The following NRG3 variants were observed in gnomAD, a reference collection of about 807,000 sequenced individuals.
The protein encoded by NRG3 is neuregulin 3, also known as pro-neuregulin-3, membrane-bound isoform.
NRG3 carries 31 observed loss-of-function variants against 66.9 expected under a neutral mutation model. The observed-to-expected ratio is 0.46, with a 90% CI of 0.35 to 0.63. The LOEUF (loss-of-function observed/expected upper bound fraction) is 0.63, where lower values mean the gene tolerates loss of function less well. Ranked by LOEUF, NRG3 falls within the 20% of genes least tolerant of loss-of-function variation. The probability of loss-of-function intolerance (pLI) is 0.00; values close to 1 mark genes in which losing one functional copy is unlikely to be tolerated. For missense variants in NRG3, 910 were observed against 878.9 expected (o/e 1.04, Z -0.45); for synonymous variants, 393 against 359.4 (o/e 1.09, Z -1.06).
At chr10:82,573,396 A>G (rs1458753461) in intron 2 of NRG3, among the ~76,000 whole-genome samples, 3 of 151,818 alleles carry the variant, frequency 2.0e-5, no homozygotes, top group Non-Finnish European at 2.9e-5. Context: ...CCTTTTTCTT[A>G]TATCAAATTT....
chr10:82,573,162 A>G (rs575128582), intron 2 of NRG3, among the ~76,000 whole-genome samples: 1 of 151,906 alleles, frequency 6.6e-6, no homozygotes, highest in Admixed American at 6.6e-5. Context: ...TGAAAAGTCA[A>G]ATTGTGTGTG....
intron 2 of NRG3, among the ~76,000 whole-genome samples, chr10:82,490,759 G>T (rs1590326197): frequency 6.6e-6 from 1 of 152,110 alleles, no homozygotes; most frequent in East Asian, 1.9e-4. Context: ...TGCTTCACCA[G>T]CTGCCTCTCT....
At chr10:82,481,704 G>T (rs1235637195) in intron 2 of NRG3, among the ~76,000 whole-genome samples, 5 of 152,058 alleles carry the variant, frequency 3.3e-5, no homozygotes, top group Non-Finnish European at 7.4e-5. Context: ...ACAATTCTAG[G>T]CCGGGCACGA....
At chr10:82,346,298 C>A (rs1015203791) in intron 1 of NRG3, among the ~76,000 whole-genome samples, 1 of 149,634 alleles carries the variant, frequency 6.7e-6, no homozygotes, top group Non-Finnish European at 1.5e-5. Flanking sequence ...TTGTCAAAGG[C>A]TTTTTCTGCA....
At chr10:82,502,637 T>C (rs888247973) in intron 2 of NRG3, among the ~76,000 whole-genome samples, 1 of 152,220 alleles carries the variant, frequency 6.6e-6, no homozygotes, top group Non-Finnish European at 1.5e-5. Flanking sequence ...TGTCACCTAC[T>C]TTTTAAGTGA....
At chr10:82,891,494 C>G (rs1219973026) in intron 4 of NRG3, among the ~76,000 whole-genome samples, 1 of 151,904 alleles carries the variant, frequency 6.6e-6, no homozygotes, top group Non-Finnish European at 1.5e-5. Flanking sequence ...GTCTAGAGGT[C>G]TCACACATCC....
intron 2 of NRG3, among the ~76,000 whole-genome samples, chr10:82,673,369 T>G (rs1210882961): frequency 6.6e-6 from 1 of 152,264 alleles, no homozygotes; most frequent in Non-Finnish European, 1.5e-5. Flanking sequence ...AATTGTGTGA[T>G]ATTTTTGTGA....
intron 1 of NRG3, among the ~76,000 whole-genome samples, chr10:82,318,373 G>A (rs1221545802): frequency 6.6e-6 from 1 of 152,092 alleles, no homozygotes; most frequent in African/African-American, 2.4e-5. Context: ...CACATTCCCT[G>A]TGATGTATGT....
chr10:82,952,592 G>T (rs1056247795), intron 5 of NRG3, among the ~76,000 whole-genome samples: 3 of 148,796 alleles, frequency 2.0e-5, no homozygotes, highest in Admixed American at 2.0e-4. Flanking sequence ...AAGAAATGCA[G>T]ATAAAAATAT....
At chr10:82,852,162 G>A (rs1246138847) in intron 3 of NRG3, among the ~76,000 whole-genome samples, 1 of 152,110 alleles carries the variant, frequency 6.6e-6, no homozygotes, top group Non-Finnish European at 1.5e-5. Context: ...TGTTTTCTGT[G>A]GGTGAAGTCT....
At chr10:82,136,628 A>G (rs573649143) in intron 1 of NRG3, among the ~76,000 whole-genome samples, 2 of 152,182 alleles carry the variant, frequency 1.3e-5, no homozygotes, top group East Asian at 1.9e-4. Context: ...TCTGGGTTAC[A>G]CCAGAAGCCA....
intron 1 of NRG3, among the ~76,000 whole-genome samples, chr10:82,190,989 C>G (rs919369912): frequency 6.6e-6 from 1 of 152,052 alleles, no homozygotes; most frequent in Non-Finnish European, 1.5e-5. Flanking sequence ...CCTACAACTC[C>G]CCACCTCAGG....
intron 1 of NRG3, among the ~76,000 whole-genome samples, chr10:82,288,430 G>A (rs1003369379): frequency 4.6e-5 from 7 of 152,246 alleles, no homozygotes; most frequent in East Asian, 1.9e-4. Flanking sequence ...GTTTTTCCTG[G>A]GCTGTAGAGG....
chr10:82,727,338 TG>T (rs2057656858), intron 2 of NRG3, among the ~76,000 whole-genome samples: 1 of 143,652 alleles, frequency 7.0e-6, no homozygotes, highest in Admixed American at 6.9e-5. Flanking sequence ...GAAAAAAAAA[TG>T]GTTTTGTGGG....
chr10:82,816,037 G>A (rs1044642918), intron 3 of NRG3, among the ~76,000 whole-genome samples: 4 of 152,236 alleles, frequency 2.6e-5, no homozygotes, highest in African/African-American at 9.6e-5. Flanking sequence ...GGAACATGGT[G>A]TTGCCCAGAA....
intron 1 of NRG3, among the ~76,000 whole-genome samples, chr10:82,339,392 C>T (rs1173230189): frequency 6.6e-6 from 1 of 152,136 alleles, no homozygotes; most frequent in Non-Finnish European, 1.5e-5. Flanking sequence ...CGGCGGAAGG[C>T]ACCTCTTCAC....
At chr10:82,728,723 C>T (rs752703819) in intron 2 of NRG3, among the ~76,000 whole-genome samples, 6 of 152,160 alleles carry the variant, frequency 3.9e-5, no homozygotes, top group African/African-American at 7.2e-5. Context: ...GTCCCTTAAA[C>T]GTCAAATTCT....
intron 2 of NRG3, among the ~76,000 whole-genome samples, chr10:82,686,373 A>T (rs1004037931): frequency 2.0e-5 from 3 of 151,956 alleles, no homozygotes; most frequent in South Asian, 2.1e-4. Flanking sequence ...TTTTTAGTAG[A>T]GATGGGGTTT....
intron 2 of NRG3, among the ~76,000 whole-genome samples, chr10:82,449,298 T>A (rs2090903119): frequency 1.3e-5 from 2 of 152,162 alleles, no homozygotes; most frequent in Non-Finnish European, 2.9e-5. Flanking sequence ...CTAGTGGACA[T>A]TTTGCAAAAC....
Sources: gnomAD v4.1 joint callset for allele counts (sites outside exome capture counted in the v4.1 genomes callset) on GRCh38, gnomAD v4.1.1 for gene constraint, MANE v1.5 for transcripts, NCBI Gene and HGNC (gene_info 2026-07-23, HGNC 2026-07-21) for gene names.